Variants in SPAG9 observed in about 807,000 individuals in gnomAD.
SPAG9 encodes the protein sperm associated antigen 9, also known as C-Jun-amino-terminal kinase-interacting protein 4.
Under a neutral mutation model 166.5 loss-of-function variants are expected in SPAG9, and 35 were observed. That is an observed-to-expected ratio of 0.21 (90% CI 0.16 to 0.28). SPAG9 has a LOEUF of 0.28. Ranked by LOEUF, SPAG9 falls within the 10% of genes least tolerant of loss-of-function variation. The probability of loss-of-function intolerance (pLI) is 1.00; values close to 1 mark genes in which losing one functional copy is unlikely to be tolerated. For synonymous variants in SPAG9, 534 were observed against 565.5 expected (o/e 0.94, Z 0.79); for missense variants, 1,235 against 1,603.3 (o/e 0.77, Z 3.92).
chr17:50,992,130 G>A (rs978260528), intron 19 of SPAG9, among the ~76,000 whole-genome samples: 11 of 151,370 alleles, frequency 7.3e-5, no homozygotes, highest in Non-Finnish European at 1.3e-4. Context: ...TCAAGTGATC[G>A]TCCCACCTTG....
Position 51,020,162 on chromosome 17 carries a change from G to A in SPAG9, c.1088C>T (p.Ser363Leu). 1.3e-6 allele frequency: 2 copies of A among 1,598,326 alleles called. No homozygotes were observed. The highest frequency in any genetic ancestry group is 2.2e-5 in the South Asian group (2 of 90,698). Residue 363 changes from serine to leucine, a missense_variant, in exon 8 of 30, where the codon TCA becomes TTA. Physicochemically the swap from Ser to Leu is moderately radical, Grantham distance 145. This residue lies in a region of SPAG9 where 288 missense variants were observed against 323.7 expected (regional missense o/e 0.89). Transcript: ENST00000262013. ...CTTCATCTAACATTTATGTTACCTTGAACCTTTATATCCACTGAGATCTTT... is the reference window on the plus strand; with the variant it reads ...CTTCATCTAACATTTATGTTACCTTAAACCTTTATATCCACTGAGATCTTT... Reference protein sequence around the residue: ...MDKDLSGYKGSSTPTKGIENK... With the variant: ...MDKDLSGYKGLSTPTKGIENK...
At chr17:50,989,560 T>A in intron 21 of SPAG9, 117 bp downstream of exon 21, 1 of 825,964 alleles carries the variant, frequency 1.2e-6, no homozygotes, top group Non-Finnish European at 2.0e-6. Flanking sequence ...ATAGGTATCT[T>A]TTAATCCACC....
intron 2 of SPAG9, among the ~76,000 whole-genome samples, chr17:51,061,694 A>G (rs1194534850): frequency 6.6e-6 from 1 of 151,420 alleles, no homozygotes; most frequent in African/African-American, 2.4e-5. Flanking sequence ...GAGATTTCCA[A>G]TATTTATCTA....
At chr17:51,008,200 T>C (rs920709510) in intron 9 of SPAG9, among the ~76,000 whole-genome samples, 1 of 152,172 alleles carries the variant, frequency 6.6e-6, no homozygotes, top group African/African-American at 2.4e-5. Flanking sequence ...AGTGAATGTC[T>C]TTGATCGTGT....
intron 18 of SPAG9, among the ~76,000 whole-genome samples, chr17:50,994,660 G>C (rs1221457359): frequency 6.6e-6 from 1 of 152,170 alleles, no homozygotes; most frequent in Non-Finnish European, 1.5e-5. Context: ...GAAGTGGACA[G>C]ATCACTTGAG....
intron 1 of SPAG9, among the ~76,000 whole-genome samples, chr17:51,089,222 G>A (rs1598159429): frequency 1.3e-5 from 2 of 151,844 alleles, no homozygotes; most frequent in South Asian, 2.1e-4. Flanking sequence ...TCAGGAGTTC[G>A]AGACCAGCCT....
intron 3 of SPAG9, among the ~76,000 whole-genome samples, chr17:51,053,854 A>AAAAATATAT (rs1491529465): frequency 2.0e-4 from 7 of 34,446 alleles, no homozygotes; most frequent in Admixed American, 4.8e-4. Flanking sequence ...AAAAAAAAAA[A>AAAAATATAT]GTATATATAT....
intron 1 of SPAG9, among the ~76,000 whole-genome samples, chr17:51,105,199 T>A (rs902892984): frequency 3.9e-5 from 6 of 152,184 alleles, no homozygotes; most frequent in African/African-American, 1.2e-4. Context: ...CCCCTGGGAA[T>A]AGAAATTCTT....
chr17:51,079,479 T>G, intron 2 of SPAG9, 105 bp downstream of exon 2: 10 of 1,017,784 alleles, frequency 9.8e-6, no homozygotes, highest in Non-Finnish European at 1.5e-5. Context: ...ACCCAAGTGA[T>G]CCTCCTACCT....
chr17:51,087,670 A>C (rs2048338677), intron 1 of SPAG9, among the ~76,000 whole-genome samples: 1 of 152,202 alleles, frequency 6.6e-6, no homozygotes, highest in African/African-American at 2.4e-5. Flanking sequence ...GCTGAACCTC[A>C]TTACTAGGTT....
chr17:51,075,047 T>A (rs1338272603), intron 2 of SPAG9, among the ~76,000 whole-genome samples: 1 of 151,398 alleles, frequency 6.6e-6, no homozygotes, highest in Non-Finnish European at 1.5e-5. Flanking sequence ...TATACAAAAA[T>A]TAGCCAGGCA....
At position 50,992,818 on chromosome 17, in the gene SPAG9, C is replaced by T. The variant is rs540275245; in HGVS notation, c.2398+946G>A. ...AGGAGTTCAAGACTAATCTGACTGC[C>T]CGGGGTGGTGGGTCACACCTGTAAT... On this transcript the variant is annotated intron_variant, in intron 19 of 29. Transcript: ENST00000262013. Among the ~76,000 whole-genome samples the T allele has an allele frequency of 1.7e-3, 266 of 152,142 alleles. 2 individuals are homozygous for T. The highest frequency in any genetic ancestry group is 3.4e-3 in the Middle Eastern group (1 of 294).
chr17:50,990,852 G>C, intron 19 of SPAG9, 184 bp from the exon 20 acceptor site: 2 of 463,752 alleles, frequency 4.3e-6, no homozygotes, highest in East Asian at 3.8e-5. Flanking sequence ...AAAAAATTAA[G>C]AAAATACTTC....
At chr17:50,990,428 C>A in intron 20 of SPAG9, 22 bp downstream of exon 20, 1 of 1,525,692 alleles carries the variant, frequency 6.6e-7, no homozygotes, top group Non-Finnish European at 9.1e-7. Flanking sequence ...ATACAGATGG[C>A]AGGTAAAGAG....
At chr17:51,115,321 T>C (rs1180193959) in intron 1 of SPAG9, among the ~76,000 whole-genome samples, 1 of 151,954 alleles carries the variant, frequency 6.6e-6, no homozygotes, top group African/African-American at 2.4e-5. Flanking sequence ...CCTGAGTAGC[T>C]AGGACTACAG....
intron 25 of SPAG9, among the ~76,000 whole-genome samples, chr17:50,981,748 C>T (rs1861030977): frequency 6.7e-6 from 1 of 149,754 alleles, no homozygotes; most frequent in Non-Finnish European, 1.5e-5. Flanking sequence ...GAAAACAATG[C>T]TAGGCCGGAC....
At chr17:51,081,718 A>G (rs1296220592) in intron 1 of SPAG9, among the ~76,000 whole-genome samples, 1 of 151,842 alleles carries the variant, frequency 6.6e-6, no homozygotes, top group African/African-American at 2.4e-5. Flanking sequence ...CTCCAGCCTG[A>G]GCAACAAGAG....
intron 19 of SPAG9, among the ~76,000 whole-genome samples, chr17:50,991,406 G>A: frequency 6.6e-6 from 1 of 151,682 alleles, no homozygotes; most frequent in Non-Finnish European, 1.5e-5. Context: ...TAAAAACTAA[G>A]CATTTATAAT....
intron 2 of SPAG9, among the ~76,000 whole-genome samples, chr17:51,061,156 T>C (rs1479611517): frequency 6.6e-6 from 1 of 151,596 alleles, no homozygotes; most frequent in Non-Finnish European, 1.5e-5. Flanking sequence ...GAGAGAAGCT[T>C]TTATATAAGA....
Sources: allele counts gnomAD v4.1 joint callset (sites outside exome capture counted in the v4.1 genomes callset), GRCh38; gene constraint gnomAD v4.1.1; regional missense constraint gnomAD v4.1.1; transcripts MANE v1.5; gene names NCBI Gene and HGNC (gene_info 2026-07-23, HGNC 2026-07-21).